The following MSH6 variants were observed in gnomAD, a reference collection of about 807,000 sequenced individuals.
The protein encoded by MSH6 is mutS homolog 6, also known as DNA mismatch repair protein Msh6.
A neutral mutation model predicts 119.1 loss-of-function variants in MSH6; 85 were observed. The observed-to-expected ratio is 0.71, with a 90% CI of 0.60 to 0.85. MSH6 has a LOEUF of 0.85. Among genes scored for constraint, MSH6 ranks in the 40% least tolerant of loss-of-function variants. The pLI is 0.00. For synonymous variants in MSH6, 830 were observed against 586.9 expected, an observed-to-expected ratio of 1.41 and a Z score of -5.99; for missense variants, 2,163 against 1,655.3, an observed-to-expected ratio of 1.31 and a Z score of -5.32.
In MSH6 at chr2:47,799,402, G is replaced by GGT. The variant is rs63750854; in HGVS notation, c.1421_1422dup (p.Gln475CysfsTer7). ...CATTTGGCCGTTATTCAGATTCCCT[G>GGT]GTGCAGAAGGGCTATAAAGTAGCAC... is the stretch of plus-strand genomic sequence containing the variant. On this transcript the variant is annotated frameshift_variant, in exon 4 of 10. Coordinates refer to ENST00000234420, the MANE Select transcript of MSH6 (RefSeq NM_000179.3). LOFTEE classifies it high-confidence loss of function. 1.9e-6 allele frequency: 3 copies of GGT among 1,613,990 alleles called. No individual in the cohort carries two copies. The highest frequency in any genetic ancestry group is 2.5e-6 in the Non-Finnish European group (3 of 1,180,032).
In MSH6 at chr2:47,806,896, C is replaced by CA. The variant is rs755754032; in HGVS notation, c.*39dup. ...TTGGAAGCTTTGAGTTGACTTCTGA[C>CA]AAAGGTGGTAAATTCAGACAACATT... On this transcript the variant is annotated 3_prime_UTR_variant, in exon 10 of 10. Transcript: ENST00000234420. 3.4e-6 allele frequency: 5 copies of CA among 1,450,066 alleles called. No homozygotes were observed. The South Asian group carries it at 5.7e-5, about 17-fold the overall frequency. 89.8% of individuals were successfully genotyped at this position (1,450,066 alleles called of 1,614,324 possible). A position where few individuals can be genotyped will look rare whatever the true frequency, so the allele number is the denominator to read the frequency against.
chr2:47,799,328 C>G lies in MSH6; in HGVS notation c.1345C>G (p.Leu449Val), dbSNP rs3136333. 1 of 1,613,886 alleles carries G rather than the reference C, an allele frequency of 6.2e-7. No homozygotes were observed. The highest frequency in any genetic ancestry group is 8.5e-7 in the Non-Finnish European group (1 of 1,180,028). ...TCTTATTGGAGTCAGTGAACTGGGG[C>G]TGGTATTCATGAAAGGCAACTGGGC... ...DALIGVSELG[L>V]VFMKGNWAHS... Residue 449 changes from leucine to valine, a missense_variant, in exon 4 of 10, where the codon CTG (leucine) becomes GTG (valine). Transcript: ENST00000234420.
chr2:47,793,431 C>G (rs542766377), intron 2 of MSH6, among the ~76,000 whole-genome samples: 1 of 150,110 alleles, frequency 6.7e-6, no homozygotes, highest in Non-Finnish European at 1.5e-5. Context: ...CGTTCGAGAC[C>G]AGCCTGACCA....
At chr2:47,809,325 A>G, downstream of MSH6, 1 of 1,113,396 alleles carries the variant, frequency 9.0e-7, no homozygotes, top group Non-Finnish European at 1.3e-6. Context: ...TTAAAAACCA[A>G]AGATTATAGG....
In MSH6 at chr2:47,796,118, AG is replaced by A; in HGVS notation, c.627+60del. ...TTATGTTAGGGTGATGGGGGAAGAA[AG>A]GGGGAGGGTGTATTAACAAGATACC... On this transcript the variant is annotated intron_variant, in intron 3 of 9. Transcript: ENST00000234420. 8.9e-6 allele frequency: 14 copies of A among 1,580,596 alleles called. No individual in the cohort carries two copies. The South Asian group carries it at 1.6e-4, about 18-fold the overall frequency.
Position 47,799,759 on chromosome 2 carries a change from A to T in MSH6, c.1776A>T (p.Val592=), listed in dbSNP as rs56132616. The T allele has an allele frequency of 1.7e-5, 27 of 1,614,222 alleles. No homozygotes were observed. The East Asian group carries it at 4.0e-4, about 24-fold the overall frequency. The stretch of plus-strand genomic sequence containing the variant: ...CTCTAGTGGCACACTATCCCCCAGT[A>T]CAAGTTTTATTTGAAAAAGGAAATC... ...FRTLVAHYPP[V]QVLFEKGNLS... The change falls in exon 4 of 10, where the codon GTA becomes GTT. Residue 592 remains valine (V), a synonymous_variant. Transcript: ENST00000234420.
intron 3 of MSH6, chr2:47,798,135 A>C (rs1669210335): frequency 5.8e-6 from 1 of 173,494 alleles, no homozygotes; most frequent in Admixed American, 5.8e-5. Flanking sequence ...TTGGCATGGA[A>C]AATGACAATT....
intron 9 of MSH6, 27 bp from the exon 10 acceptor site, chr2:47,806,750 ACT>A (rs1491411100): frequency 2.8e-6 from 4 of 1,404,370 alleles, no homozygotes; most frequent in Non-Finnish European, 3.9e-6. Flanking sequence ...AAACAAAAAA[ACT>A]TTTTTTTTTT....
Position 47,806,752 on chromosome 2 carries a change from T to TTAC in MSH6, c.4002-26_4002-25insACT. ...ATGCACTATGAAAAAACAAAAAAACTTTTTTTTTTTTTTTTTTAATTTTAA... is the reference window on the plus strand; with the variant it reads ...ATGCACTATGAAAAAACAAAAAAACTTACTTTTTTTTTTTTTTTTTAATTTTAA... On this transcript the variant is annotated intron_variant, in intron 9 of 9. Coordinates refer to ENST00000234420, the MANE Select transcript of MSH6 (RefSeq NM_000179.3). 10 of 100,940 alleles carry TTAC rather than the reference T, an allele frequency of 9.9e-5. No homozygotes were observed. In the South Asian group the frequency reaches 1.3e-3, roughly 13 times the overall value. The allele number at this position is 100,940 out of a possible 1,614,324, so 6.3% of individuals were successfully genotyped here. A position where few individuals can be genotyped will look rare whatever the true frequency, so the allele number is the denominator to read the frequency against.
intron 2 of MSH6, among the ~76,000 whole-genome samples, chr2:47,793,995 G>A (rs1668917844): frequency 1.3e-5 from 2 of 150,316 alleles, no homozygotes; most frequent in South Asian, 4.4e-4. Context: ...GCCTCCCAAA[G>A]TGCTGGGATT....
intron 1 of MSH6, among the ~76,000 whole-genome samples, chr2:47,787,454 T>C (rs775468633): frequency 6.6e-6 from 1 of 152,222 alleles, no homozygotes; most frequent in Admixed American, 6.6e-5. Context: ...CCATTACTTA[T>C]TATATCAAAG....
rs764786814 is a variant in MSH6 at position 47,806,601 on chromosome 2, T to A, written c.3951T>A (p.His1317Gln). 1 of 1,613,250 alleles carries A rather than the reference T, an allele frequency of 6.2e-7. No individual in the cohort carries two copies. The highest frequency in any genetic ancestry group is 1.7e-5 in the Admixed American group (1 of 59,964). Residue 1317 changes from histidine to glutamine, a missense_variant, in exon 9 of 10, where the codon CAT becomes CAA. His to Gln is a conservative substitution (Grantham distance 24, BLOSUM62 0). Transcript: ENST00000234420. ...NLPEEVIQKG[H>Q]RKAREFEKMN... ...CAGAGGAAGTTATTCAAAAGGGACA[T>A]AGAAAAGCAAGAGAATTTGAGAAGA...
rs1558650117 is a variant in MSH6 at position 47,788,907 on chromosome 2, C to CTTT, written c.261-2008_261-2006dup. ...CTATTTCTTTCTTTCTTTCTTCTTC[C>CTTT]TTTTTTTTTTTTTTGTTTTTTTTTT... On this transcript the variant is annotated intron_variant, in intron 1 of 9. Coordinates refer to ENST00000234420, the MANE Select transcript of MSH6 (RefSeq NM_000179.3). Among the ~76,000 whole-genome samples, 38 of 17,268 alleles carry CTTT rather than the reference C, an allele frequency of 2.2e-3. 1 individual carries two copies. The highest frequency in any genetic ancestry group is 3.4e-3 in the South Asian group (2 of 580). 11.3% of individuals were successfully genotyped at this position (17,268 alleles called of 152,430 possible). A position where few individuals can be genotyped will look rare whatever the true frequency, so the allele number is the denominator to read the frequency against.
At chr2:47,788,246 CTTTTTTTTTT>C (rs560110301) in intron 1 of MSH6, among the ~76,000 whole-genome samples, 4 of 90,052 alleles carry the variant, frequency 4.4e-5, no homozygotes, top group Admixed American at 2.7e-4. Context: ...TTCTTTCTTT[CTTTTTTTTTT>C]TTTTTTTTTT....
chr2:47,798,660 A>G lies in MSH6; in HGVS notation c.677A>G (p.Glu226Gly), dbSNP rs587781777. 2 of 1,613,486 alleles carry G rather than the reference A, an allele frequency of 1.2e-6. No individual in the cohort carries two copies. The highest frequency in any genetic ancestry group is 1.7e-6 in the Non-Finnish European group (2 of 1,179,996). Residue 226 changes from glutamate (E) to glycine (G), a missense_variant, in exon 4 of 10, where the codon GAG becomes GGG. Coordinates refer to ENST00000234420, the MANE Select transcript of MSH6 (RefSeq NM_000179.3). ...TDKSEEDNEI[E>G]SEEEVQPKTQ... ...AAGAGTGAAGAAGATAATGAAATTG[A>G]GAGTGAAGAGGAAGTACAGCCTAAG...
chr2:47,809,074 A>G, downstream of MSH6: 1 of 829,766 alleles, frequency 1.2e-6, no homozygotes. Flanking sequence ...AACACCGGCA[A>G]ATAGCCAAAA....
At chr2:47,808,597 T>A (rs1223581367), downstream of MSH6, 1 of 526,916 alleles carries the variant, frequency 1.9e-6, no homozygotes, top group African/African-American at 1.9e-5. Flanking sequence ...GTAAGTGATT[T>A]TCCTGTCATC....
At chr2:47,792,237 T>C (rs111356548) in intron 2 of MSH6, among the ~76,000 whole-genome samples, 2,109 of 152,226 alleles carry the variant, frequency 0.014, 45 homozygotes, top group African/African-American at 0.045. Flanking sequence ...GATCTGCCCA[T>C]TTCGGCCTCC....
intron 5 of MSH6, among the ~76,000 whole-genome samples, chr2:47,804,230 C>A (rs1210971106): frequency 6.6e-6 from 1 of 152,138 alleles, no homozygotes; most frequent in Non-Finnish European, 1.5e-5. Flanking sequence ...CCTGCCTCAG[C>A]CTCCCCAGTA....
Sources: allele counts gnomAD v4.1 joint callset (sites outside exome capture counted in the v4.1 genomes callset), GRCh38; gene constraint gnomAD v4.1.1; transcripts MANE v1.5; gene names NCBI Gene and HGNC (gene_info 2026-07-23, HGNC 2026-07-21).